Variants in FGF7 observed in about 807,000 individuals in gnomAD.
The protein encoded by FGF7 is FGF-7.
A neutral mutation model predicts 20.5 loss-of-function variants in FGF7; 6 were observed. The observed-to-expected ratio is 0.29, with a 90% CI of 0.16 to 0.58. FGF7 has a LOEUF of 0.58. Ranked by LOEUF, FGF7 falls within the 20% of genes least tolerant of loss-of-function variation. The pLI is 0.90. For synonymous variants in FGF7, 64 were observed against 74.7 expected (o/e 0.86, Z 0.74); for missense variants, 144 against 228.8 (o/e 0.63, Z 2.39).
At chr15:49,459,506 TC>T (rs1264677791) in intron 2 of FGF7, among the ~76,000 whole-genome samples, 1 of 152,194 alleles carries the variant, frequency 6.6e-6, no homozygotes, top group African/African-American at 2.4e-5. Context: ...AACCTGCATT[TC>T]AGCATTGTGT....
At chr15:49,455,637 C>A (rs901632235) in intron 2 of FGF7, among the ~76,000 whole-genome samples, 1 of 151,156 alleles carries the variant, frequency 6.6e-6, no homozygotes, top group Non-Finnish European at 1.5e-5. Flanking sequence ...AATTTTTAAT[C>A]TAATGTCCTA....
At chr15:49,467,868 A>C (rs1307293793) in intron 2 of FGF7, among the ~76,000 whole-genome samples, 4 of 152,200 alleles carry the variant, frequency 2.6e-5, no homozygotes, top group Non-Finnish European at 5.9e-5. Context: ...GAAAACGATC[A>C]GTAAATTGGT....
chr15:49,487,459 C>T lies in FGF7; in HGVS notation c.*2955C>T, dbSNP rs957710933. On this transcript the variant is annotated 3_prime_UTR_variant, in exon 4 of 4. Transcript: ENST00000267843. Reference sequence around the variant, plus strand: ...AAATAAAAACCATAGTATAAATTGTCAGCCTTTGAGTTGGCTACAAATTCA... The same window carrying T: ...AAATAAAAACCATAGTATAAATTGTTAGCCTTTGAGTTGGCTACAAATTCA... 5 of 151,774 alleles carry T rather than the reference C, an allele frequency of 3.3e-5. No individual in the cohort carries two copies. The highest frequency in any genetic ancestry group is 5.9e-5 in the Non-Finnish European group (4 of 67,874). The allele number at this position is 151,774 out of a possible 1,614,324, so 9.4% of individuals were successfully genotyped here.
intron 2 of FGF7, among the ~76,000 whole-genome samples, chr15:49,449,313 T>A (rs993104944): frequency 2.6e-5 from 4 of 152,040 alleles, no homozygotes; most frequent in Non-Finnish European, 5.9e-5. Context: ...AATCAGTAAA[T>A]GTTTTTTACT....
rs1336125790 is a variant in FGF7, at chr15:49,424,371, T to G, written c.74T>G (p.Val25Gly). 6.2e-7 allele frequency: 1 copy of G among 1,613,714 alleles called. No homozygotes were observed. Among genetic ancestry groups the G allele is most frequent in the Non-Finnish European group, 8.5e-7 (1 of 1,179,720 alleles). The change falls in exon 2 of 4, where the codon GTG becomes GGG. Residue 25 changes from valine (V) to glycine (G), a missense_variant. Physicochemically the swap from Val to Gly is moderately radical, Grantham distance 109 (BLOSUM62 -3). Around this residue, in one of 2 missense-constraint regions of FGF7, gnomAD observed 88 missense variants for 103.4 expected, o/e 0.85. Coordinates refer to ENST00000267843, the MANE Select transcript of FGF7 (RefSeq NM_002009.4). ...YRSCFHIICL[V>G]GTISLACNDM... is the part of the protein sequence containing the mutation. ...TCATGCTTTCACATTATCTGTCTAG[T>G]GGGTACTATATCTTTAGCTTGCAAT...
At chr15:49,430,754 A>G (rs2050537244) in intron 2 of FGF7, among the ~76,000 whole-genome samples, 2 of 151,172 alleles carry the variant, frequency 1.3e-5, no homozygotes, top group Non-Finnish European at 3.0e-5. Flanking sequence ...CTCACTTCTG[A>G]GAAAATGACA....
At chr15:49,431,691 T>C (rs1227779100) in intron 2 of FGF7, among the ~76,000 whole-genome samples, 1 of 151,598 alleles carries the variant, frequency 6.6e-6, no homozygotes, top group South Asian at 2.1e-4. Context: ...GAAGAAAATA[T>C]CTTTGTGAAC....
intron 2 of FGF7, among the ~76,000 whole-genome samples, chr15:49,429,204 C>T (rs1446150560): frequency 6.6e-6 from 1 of 151,924 alleles, no homozygotes; most frequent in Non-Finnish European, 1.5e-5. Flanking sequence ...TCTACGCAGT[C>T]GAACCAAAAT....
intron 2 of FGF7, among the ~76,000 whole-genome samples, chr15:49,444,050 C>T (rs1208380186): frequency 6.6e-6 from 1 of 151,632 alleles, no homozygotes; most frequent in Non-Finnish European, 1.5e-5. Context: ...TAACATTGTG[C>T]TGGGCAAACA....
intron 2 of FGF7, among the ~76,000 whole-genome samples, chr15:49,433,414 A>T (rs2050792541): frequency 6.6e-6 from 1 of 151,708 alleles, no homozygotes; most frequent in African/African-American, 2.4e-5. Flanking sequence ...AGAGGGGAGA[A>T]AGATTAGTGA....
At chr15:49,439,583 G>T (rs2051437888) in intron 2 of FGF7, among the ~76,000 whole-genome samples, 1 of 151,718 alleles carries the variant, frequency 6.6e-6, no homozygotes, top group East Asian at 1.9e-4. Context: ...TTAAGTTAAA[G>T]CAACAATAGA....
intron 2 of FGF7, among the ~76,000 whole-genome samples, chr15:49,454,222 T>C (rs1342440752): frequency 6.6e-6 from 1 of 152,162 alleles, no homozygotes; most frequent in East Asian, 1.9e-4. Flanking sequence ...CTAAATAAAT[T>C]GCACTGGAAT....
rs1163604663 is a variant in FGF7, at chr15:49,484,397, G to C, written c.478G>C (p.Gly160Arg). 1 of 1,593,838 alleles carries C rather than the reference G, an allele frequency of 6.3e-7. No individual in the cohort carries two copies. Among genetic ancestry groups the C allele is most frequent in the Non-Finnish European group, 8.5e-7 (1 of 1,177,892 alleles). ...TYASAKWTHN[G>R]GEMFVALNQK... is the part of the protein sequence containing the mutation. ...TGCATCAGCTAAATGGACACACAAC[G>C]GAGGGGAAATGTTTGTTGCCTTAAA... The change falls in exon 4 of 4, where the codon GGA becomes CGA. Residue 160 changes from glycine (G) to arginine (R), a missense_variant. By Grantham distance (125) the Gly-to-Arg change is moderately radical. Around this residue, in one of 2 missense-constraint regions of FGF7, gnomAD observed 56 missense variants for 125.4 expected, o/e 0.45. Coordinates refer to ENST00000267843, the MANE Select transcript of FGF7 (RefSeq NM_002009.4).
At chr15:49,446,187 T>C (rs1597245079) in intron 2 of FGF7, among the ~76,000 whole-genome samples, 2 of 151,680 alleles carry the variant, frequency 1.3e-5, no homozygotes, top group African/African-American at 2.4e-5. Flanking sequence ...CTGATAAATA[T>C]GGGAACACTT....
At chr15:49,465,263 G>A (rs1294584148) in intron 2 of FGF7, among the ~76,000 whole-genome samples, 1 of 151,802 alleles carries the variant, frequency 6.6e-6, no homozygotes, top group Non-Finnish European at 1.5e-5. Context: ...CCAAGTAGGT[G>A]GGATTACAGG....
At chr15:49,457,097 A>G (rs556771787) in intron 2 of FGF7, among the ~76,000 whole-genome samples, 1 of 152,192 alleles carries the variant, frequency 6.6e-6, no homozygotes, top group East Asian at 1.9e-4. Context: ...GGAAGACTCC[A>G]TAATTTACAG....
intron 2 of FGF7, among the ~76,000 whole-genome samples, chr15:49,451,587 T>C (rs2052747407): frequency 6.6e-6 from 1 of 152,102 alleles, no homozygotes; most frequent in South Asian, 2.1e-4. Context: ...CCTCTTCAAT[T>C]CACCTTTAAA....
intron 2 of FGF7, among the ~76,000 whole-genome samples, chr15:49,432,683 A>G (rs1360660585): frequency 6.6e-6 from 1 of 151,704 alleles, no homozygotes; most frequent in Non-Finnish European, 1.5e-5. Flanking sequence ...ACATTTTAAT[A>G]ATGACCAACT....
At chr15:49,433,016 A>T (rs2050753167) in intron 2 of FGF7, among the ~76,000 whole-genome samples, 1 of 151,644 alleles carries the variant, frequency 6.6e-6, no homozygotes, top group African/African-American at 2.4e-5. Context: ...TCGAAAAAGT[A>T]GTTGGAGCAA....
Sources: gnomAD v4.1 joint callset for allele counts (sites outside exome capture counted in the v4.1 genomes callset) on GRCh38, gnomAD v4.1.1 for gene constraint, gnomAD v4.1.1 regional missense constraint, MANE v1.5 for transcripts, NCBI Gene and HGNC (gene_info 2026-07-23, HGNC 2026-07-21) for gene names.